PIGU: variants seen among roughly 807,000 people sequenced by gnomAD.
The protein encoded by PIGU is GPI-anchor transamidase component PIGU.
Under a neutral mutation model 49.9 loss-of-function variants are expected in PIGU, and 24 were observed. The ratio of observed to expected loss-of-function variants is 0.48; its 90% CI spans 0.35 to 0.68. The LOEUF (loss-of-function observed/expected upper bound fraction) is 0.68. Ranked by LOEUF, PIGU falls within the 30% of genes least tolerant of loss-of-function variation. The pLI is 0.01. For synonymous variants in PIGU, 220 were observed against 205.7 expected, an observed-to-expected ratio of 1.07 and a Z score of -0.59; for missense variants, 490 against 532.6, an observed-to-expected ratio of 0.92 and a Z score of 0.79.
intron 10 of PIGU, among the ~76,000 whole-genome samples, chr20:34,577,531 C>T (rs1044230932): frequency 1.3e-5 from 2 of 152,114 alleles, no homozygotes; most frequent in South Asian, 2.1e-4. Context: ...GCCTGGCCAA[C>T]GTGGCAAAAA....
chr20:34,566,101 CAT>C (rs1486323202), intron 11 of PIGU, among the ~76,000 whole-genome samples: 2 of 152,214 alleles, frequency 1.3e-5, no homozygotes, highest in Non-Finnish European at 2.9e-5. Flanking sequence ...GATACACACA[CAT>C]ACACGCACGC....
chr20:34,616,699 G>A (rs1985022599), intron 6 of PIGU, among the ~76,000 whole-genome samples: 2 of 151,850 alleles, frequency 1.3e-5, no homozygotes, highest in South Asian at 2.1e-4. Context: ...TTAAACATGA[G>A]GCTATTAAGA....
chr20:34,673,613 G>C (rs903715971), intron 1 of PIGU, among the ~76,000 whole-genome samples: 1 of 152,144 alleles, frequency 6.6e-6, no homozygotes, highest in African/African-American at 2.4e-5. Context: ...TTCAGCCCAT[G>C]TCAGCACTAT....
chr20:34,643,037 T>C (rs1477573883), intron 4 of PIGU, among the ~76,000 whole-genome samples: 6 of 152,120 alleles, frequency 3.9e-5, no homozygotes, highest in African/African-American at 1.4e-4. Flanking sequence ...TGCCCAATTA[T>C]TTCATCTACG....
At chr20:34,570,821 C>A (rs528546478) in intron 11 of PIGU, among the ~76,000 whole-genome samples, 2 of 152,152 alleles carry the variant, frequency 1.3e-5, no homozygotes, top group African/African-American at 4.8e-5. Flanking sequence ...TAAACAAGTT[C>A]CTTTTTGTTT....
At chr20:34,618,921 T>A (rs1985107292) in intron 6 of PIGU, among the ~76,000 whole-genome samples, 1 of 152,194 alleles carries the variant, frequency 6.6e-6, no homozygotes, top group African/African-American at 2.4e-5. Flanking sequence ...ATTGATGAGA[T>A]CTTTCACCAC....
intron 4 of PIGU, among the ~76,000 whole-genome samples, chr20:34,641,969 T>C (rs1986176615): frequency 6.6e-6 from 1 of 152,164 alleles, no homozygotes; most frequent in Non-Finnish European, 1.5e-5. Flanking sequence ...TAACAGAATG[T>C]CTTGGTGCAC....
At position 34,658,609 on chromosome 20, in the gene PIGU, C is replaced by T. The variant is rs1472371612; in HGVS notation, c.131-1365G>A. ...GGGCAGTGCCTCTGCCCCACCGCCC[C>T]GTCTGGGATGTGAGGAGCGCCTCTG... On this transcript the variant is annotated intron_variant, in intron 1 of 11. Coordinates refer to ENST00000217446, the MANE Select transcript of PIGU (RefSeq NM_080476.5). 5.9e-5 allele frequency among the ~76,000 whole-genome samples: 9 copies of T among 152,050 alleles called. No homozygotes were observed. The East Asian group carries it at 7.7e-4, about 13-fold the overall frequency.
chr20:34,560,876 A>G lies in PIGU; in HGVS notation c.1298T>C (p.Val433Ala). The change falls in exon 12 of 12, where the codon GTG (valine) becomes GCG (alanine). Residue 433 changes from valine to alanine, a missense_variant. By Grantham distance (64) the Val-to-Ala change is moderately conservative. Transcript: ENST00000217446. ...CTGTGCCAGCCAGGCCTACTTGAGCACGAGCATGGCCTCTGTGCCATCCTT... is the reference window on the plus strand; with the variant it reads ...CTGTGCCAGCCAGGCCTACTTGAGCGCGAGCATGGCCTCTGTGCCATCCTT... ...TAKDGTEAMLVLK is the reference protein window; with the variant it reads ...TAKDGTEAMLALK 1.2e-6 allele frequency: 2 copies of G among 1,606,660 alleles called. No homozygotes were observed. The highest frequency in any genetic ancestry group is 1.7e-6 in the Non-Finnish European group (2 of 1,175,106).
intron 6 of PIGU, among the ~76,000 whole-genome samples, chr20:34,617,128 G>A (rs1365066857): frequency 6.6e-6 from 1 of 152,224 alleles, no homozygotes; most frequent in Non-Finnish European, 1.5e-5. Context: ...GAGCCCTCAT[G>A]GAGAACCTCT....
intron 1 of PIGU, among the ~76,000 whole-genome samples, chr20:34,664,037 T>C (rs778426017): frequency 6.6e-6 from 1 of 152,244 alleles, no homozygotes; most frequent in Non-Finnish European, 1.5e-5. Flanking sequence ...TGTTAGTGTA[T>C]TCTCTGGCAA....
intron 1 of PIGU, among the ~76,000 whole-genome samples, chr20:34,674,947 G>A (rs1366821007): frequency 5.0e-4 from 64 of 127,872 alleles, no homozygotes; most frequent in Non-Finnish European, 3.9e-4. Flanking sequence ...GTCTCTTGAA[G>A]AAAAAAAAAA....
intron 7 of PIGU, among the ~76,000 whole-genome samples, chr20:34,595,095 C>CAAAAAAAAA (rs71194627): frequency 7.0e-5 from 5 of 71,332 alleles, no homozygotes; most frequent in Non-Finnish European, 9.9e-5. Flanking sequence ...GACTCCGTCT[C>CAAAAAAAAA]AAAAAAAAAA....
At chr20:34,674,564 C>T (rs1987430685) in intron 1 of PIGU, among the ~76,000 whole-genome samples, 2 of 152,208 alleles carry the variant, frequency 1.3e-5, no homozygotes, top group East Asian at 1.9e-4. Context: ...AGTAACTACA[C>T]ACCTACTGTA....
chr20:34,592,261 C>T (rs1417843964), intron 7 of PIGU, among the ~76,000 whole-genome samples: 1 of 147,170 alleles, frequency 6.8e-6, no homozygotes, highest in Non-Finnish European at 1.5e-5. Context: ...ATAAGCTAAA[C>T]ACCCATTTTA....
chr20:34,601,584 A>C lies in PIGU; in HGVS notation c.628-12977T>G, dbSNP rs548592643. ...AGGGGAAAGAACACCCAGGGCATAC[A>C]GCACCTGCTCCAAGAATTAGATTTT... On this transcript the variant is annotated intron_variant, in intron 7 of 11. Coordinates refer to ENST00000217446, the MANE Select transcript of PIGU (RefSeq NM_080476.5). Among the ~76,000 whole-genome samples the C allele has an allele frequency of 2.0e-5, 3 of 152,278 alleles. No individual in the cohort carries two copies. In the South Asian group the frequency reaches 6.2e-4, roughly 32 times the overall value.
intron 7 of PIGU, among the ~76,000 whole-genome samples, chr20:34,610,600 G>A (rs1018771550): frequency 1.3e-5 from 2 of 152,162 alleles, no homozygotes; most frequent in Non-Finnish European, 1.5e-5. Context: ...TGGATAGGAA[G>A]AATCAATATC....
chr20:34,625,005 C>A (rs1985405120), intron 6 of PIGU, among the ~76,000 whole-genome samples: 1 of 152,176 alleles, frequency 6.6e-6, no homozygotes, highest in Non-Finnish European at 1.5e-5. Context: ...ACTTCCACTG[C>A]CCCTATCGTC....
rs776699546 is a variant in PIGU, at chr20:34,575,214, T to C, written c.1084A>G (p.Ile362Val). 6.2e-6 allele frequency: 10 copies of C among 1,614,108 alleles called. No individual in the cohort carries two copies. Among genetic ancestry groups the C allele is most frequent in the Non-Finnish European group, 7.6e-6 (9 of 1,179,994 alleles). ...GGGAAGAGCAGGGAACAGACGATGA[T>C]GATGCAGGTGAGGACAAAGATGTTT... ...LRNIFVLTCI[I>V]IVCSLLFPVL... The change falls in exon 11 of 12, where the codon ATC becomes GTC. Residue 362 changes from isoleucine to valine, a missense_variant. Transcript: ENST00000217446.
Sources: allele counts gnomAD v4.1 joint callset (sites outside exome capture counted in the v4.1 genomes callset), GRCh38; gene constraint gnomAD v4.1.1; transcripts MANE v1.5; gene names NCBI Gene and HGNC (gene_info 2026-07-23, HGNC 2026-07-21).